PDE1C: variants seen among roughly 807,000 people sequenced by gnomAD.
PDE1C encodes phosphodiesterase 1C, also known as dual specificity calcium/calmodulin-dependent 3',5'-cyclic nucleotide phosphodiesterase 1C.
Under a neutral mutation model 93.1 loss-of-function variants are expected in PDE1C, and 62 were observed. The observed-to-expected ratio is 0.67, with a 90% confidence interval of 0.54 to 0.82. The LOEUF (loss-of-function observed/expected upper bound fraction) is 0.82. PDE1C is among the 40% of genes least tolerant of loss of function. PDE1C has a pLI of 0.00. For missense variants in PDE1C, 742 were observed against 884.6 expected (o/e 0.84, Z 2.04); for synonymous variants, 325 against 310.1 (o/e 1.05, Z -0.50).
chr7:31,974,076 G>A (rs1811322242), intron 2 of PDE1C, among the ~76,000 whole-genome samples: 1 of 152,042 alleles, frequency 6.6e-6, no homozygotes, highest in South Asian at 2.1e-4. Context: ...TACTTGGTGT[G>A]GGCAATGTTT....
At chr7:31,989,063 GAAGA>G (rs1222602027) in intron 2 of PDE1C, among the ~76,000 whole-genome samples, 14 of 138,104 alleles carry the variant, frequency 1.0e-4, no homozygotes, top group East Asian at 8.3e-4. Context: ...AAAAAATAGA[GAAGA>G]AAGAAAGAGA....
the PDE1C span, among the ~76,000 whole-genome samples, chr7:31,668,964 G>A: frequency 6.6e-6 from 1 of 152,186 alleles, no homozygotes; most frequent in Admixed American, 6.5e-5. Context: ...GGAACAGAGA[G>A]GATGTCAGTA....
At chr7:32,184,980 G>A (rs542859108) in intron 2 of PDE1C, among the ~76,000 whole-genome samples, 110 of 152,008 alleles carry the variant, frequency 7.2e-4, no homozygotes, top group South Asian at 4.0e-3. Flanking sequence ...GCGTAGTGGC[G>A]CATGCCTATA....
At position 32,194,405 on chromosome 7, in the gene PDE1C, A is replaced by G. The variant is rs757526765; in HGVS notation, c.136+15084T>C. The stretch of plus-strand genomic sequence containing the variant: ...TGAGAAAGATCTGTTGATGTCTCCA[A>G]TTATAATTGTAGATTTTTCTATTTC... On this transcript the variant is annotated intron_variant, in intron 2 of 18. Transcript: ENST00000396193. 3.0e-4 allele frequency among the ~76,000 whole-genome samples: 45 copies of G among 152,206 alleles called. 1 individual carries two copies. Among genetic ancestry groups the G allele is most frequent in the African/African-American group, 8.9e-4 (37 of 41,452 alleles).
the PDE1C span, among the ~76,000 whole-genome samples, chr7:31,690,032 C>T: frequency 6.6e-6 from 1 of 152,164 alleles, no homozygotes; most frequent in African/African-American, 2.4e-5. Context: ...CACTGCTTTC[C>T]CTCACCTTGT....
chr7:32,101,346 A>C (rs1288256199), intron 3 of PDE1C, among the ~76,000 whole-genome samples: 1 of 152,160 alleles, frequency 6.6e-6, no homozygotes, highest in Non-Finnish European at 1.5e-5. Context: ...ATTCTTTGAA[A>C]CCATGACCTA....
chr7:32,307,544 C>G (rs1431445701), intron 1 of PDE1C, among the ~76,000 whole-genome samples: 1 of 152,114 alleles, frequency 6.6e-6, no homozygotes, highest in Non-Finnish European at 1.5e-5. Context: ...CTTTGAAACC[C>G]TATCCTCTCC....
At chr7:31,903,520 G>A (rs761028207) in intron 2 of PDE1C, among the ~76,000 whole-genome samples, 1 of 152,048 alleles carries the variant, frequency 6.6e-6, no homozygotes, top group Non-Finnish European at 1.5e-5. Context: ...AATTGTAAAT[G>A]TCACTCAAAT....
chr7:31,854,490 T>G (rs1793750561), intron 7 of PDE1C, among the ~76,000 whole-genome samples: 1 of 152,172 alleles, frequency 6.6e-6, no homozygotes, highest in African/African-American at 2.4e-5. Context: ...CACAACTAGT[T>G]CATTTGAAAG....
chr7:31,648,310 C>T, the PDE1C span, among the ~76,000 whole-genome samples: 1 of 151,916 alleles, frequency 6.6e-6, no homozygotes, highest in Non-Finnish European at 1.5e-5. Context: ...GGGTTATAAT[C>T]AAGCCTTTAT....
chr7:32,299,533 G>C, upstream of PDE1C: 1 of 573,748 alleles, frequency 1.7e-6, no homozygotes, highest in Non-Finnish European at 2.2e-6. Flanking sequence ...TCGAATTTGG[G>C]TTTGCCCAAT....
intron 1 of PDE1C, among the ~76,000 whole-genome samples, chr7:32,231,829 T>C (rs1021438229): frequency 1.3e-5 from 2 of 152,242 alleles, no homozygotes; most frequent in African/African-American, 2.4e-5. Context: ...GAGAATCCAT[T>C]AATCTTATGT....
chr7:31,834,059 A>G (rs1303463692), intron 11 of PDE1C, among the ~76,000 whole-genome samples: 2 of 152,214 alleles, frequency 1.3e-5, no homozygotes, highest in Non-Finnish European at 2.9e-5. Flanking sequence ...AGCTCAGGCC[A>G]TGGCTTCAGA....
chr7:32,308,363 C>G (rs1038307547), intron 1 of PDE1C, among the ~76,000 whole-genome samples: 14 of 152,260 alleles, frequency 9.2e-5, no homozygotes, highest in African/African-American at 3.1e-4. Flanking sequence ...ATGTCCCTGT[C>G]TGACAGCTTT....
At chr7:32,393,444 T>C (rs535006196) in intron 1 of PDE1C, among the ~76,000 whole-genome samples, 12 of 152,308 alleles carry the variant, frequency 7.9e-5, no homozygotes, top group Middle Eastern at 3.4e-3. Flanking sequence ...CTATTATATT[T>C]AAGTTTCCAG....
In PDE1C at chr7:32,153,088, C is replaced by A. The variant is rs180879380; in HGVS notation, c.308+16697G>T. 3.9e-5 allele frequency among the ~76,000 whole-genome samples: 6 copies of A among 152,328 alleles called. No homozygotes were observed. In the East Asian group the frequency reaches 1.2e-3, roughly 29 times the overall value. On this transcript the variant is annotated intron_variant, in intron 3 of 18. Coordinates refer to the PDE1C transcript ENST00000396193. The stretch of plus-strand genomic sequence containing the variant: ...TCAGCCTATCCAGAGGGAAACGCGG[C>A]AGCCACTGAAATAGTAGTAAAAATA...
At chr7:32,418,261 G>A (rs765142753) in intron 1 of PDE1C, among the ~76,000 whole-genome samples, 1 of 152,102 alleles carries the variant, frequency 6.6e-6, no homozygotes, top group Non-Finnish European at 1.5e-5. Flanking sequence ...AGCTGCTACT[G>A]ATGTCTCAGG....
chr7:32,039,328 A>C (rs1791524866), intron 2 of PDE1C, among the ~76,000 whole-genome samples: 1 of 152,206 alleles, frequency 6.6e-6, no homozygotes, highest in Non-Finnish European at 1.5e-5. Flanking sequence ...TAGGATTATG[A>C]ATTTGGTATG....
At chr7:31,804,175 T>G (rs74885187) in intron 16 of PDE1C, among the ~76,000 whole-genome samples, 12,225 of 151,932 alleles carry the variant, frequency 0.08, 507 homozygotes, top group South Asian at 0.13. Context: ...TAAATTACTT[T>G]GAGACATTTT....
Sources: gnomAD v4.1 joint callset for allele counts (sites outside exome capture counted in the v4.1 genomes callset) on GRCh38, gnomAD v4.1.1 for gene constraint, MANE v1.5 for transcripts, NCBI Gene and HGNC (gene_info 2026-07-23, HGNC 2026-07-21) for gene names.